TMOD3: variants seen among roughly 807,000 people sequenced by gnomAD.
TMOD3 encodes the protein tropomodulin 3.
In TMOD3, 20 loss-of-function variants were observed where a neutral mutation model predicts 39.2. The observed-to-expected ratio is 0.51, with a 90% confidence interval of 0.36 to 0.74. The LOEUF (loss-of-function observed/expected upper bound fraction) is 0.74. Among genes scored for constraint, TMOD3 ranks in the 30% least tolerant of loss-of-function variants. The pLI, the probability that TMOD3 is intolerant of heterozygous loss-of-function variation, is 0.00. For synonymous variants in TMOD3, 143 were observed against 145.8 expected (o/e 0.98, Z 0.14); for missense variants, 381 against 412.8 (o/e 0.92, Z 0.67).
chr15:51,903,535 C>T (rs1484050310), intron 9 of TMOD3, among the ~76,000 whole-genome samples: 3 of 152,234 alleles, frequency 2.0e-5, no homozygotes, highest in Non-Finnish European at 2.9e-5. Flanking sequence ...TTAGCTCAAA[C>T]TCTTTCTGTC....
At chr15:51,895,668 G>A (rs746942996) in intron 6 of TMOD3, among the ~76,000 whole-genome samples, 7 of 152,168 alleles carry the variant, frequency 4.6e-5, no homozygotes, top group Non-Finnish European at 2.9e-5. Context: ...CCTTCAAGTA[G>A]TGTAGGGTTA....
intron 9 of TMOD3, among the ~76,000 whole-genome samples, chr15:51,907,601 C>A (rs1053742380): frequency 6.6e-6 from 1 of 152,198 alleles, no homozygotes; most frequent in Admixed American, 6.5e-5. Context: ...GTCAAACAGC[C>A]AATTTAGGCC....
rs143152994 is a variant in TMOD3 at position 51,907,432 on chromosome 15, C to T, written c.1025-1344C>T. 12 of 152,310 alleles carry T rather than the reference C, an allele frequency of 7.9e-5. No homozygotes were observed. The East Asian group carries it at 1.9e-3, about 24-fold the overall frequency. The allele number at this position is 152,310 out of a possible 1,614,324, so 9.4% of individuals were successfully genotyped here. A position where few individuals can be genotyped will look rare whatever the true frequency, so the allele number is the denominator to read the frequency against. Reference sequence around the variant, plus strand: ...CTGGTTTTATTTTCAAGCAAGCACCCAGCCTATGGCTGAACAAGATTTTAT... The same window carrying T: ...CTGGTTTTATTTTCAAGCAAGCACCTAGCCTATGGCTGAACAAGATTTTAT... On this transcript the variant is annotated intron_variant, in intron 9 of 9. Transcript: ENST00000308580.
chr15:51,885,887 T>A lies in TMOD3; in HGVS notation c.284-1702T>A, dbSNP rs1595905688. ...CGGCCGGGCAGAGGCGCCCCCCACC[T>A]CCCAGACGGGGTGGCTGCCGGGCGG... On this transcript the variant is annotated intron_variant, in intron 3 of 9. Transcript: ENST00000308580. Among the ~76,000 whole-genome samples the A allele has an allele frequency of 2.7e-5, 4 of 147,796 alleles. No individual in the cohort carries two copies. In the Middle Eastern group the frequency reaches 0.011, roughly 399 times the overall value.
Position 51,912,683 on chromosome 15 carries a change from T to G in TMOD3, c.*3873T>G, listed in dbSNP as rs1214899587. On this transcript the variant is annotated 3_prime_UTR_variant, in exon 10 of 10. Coordinates refer to ENST00000308580, the MANE Select transcript of TMOD3 (RefSeq NM_014547.5). ...TCACTTCCATTCTTTGCAAGTTTAG[T>G]ACTGCCCAAATTTACTCATTCTACA... The G allele has an allele frequency of 6.6e-6, 1 of 152,158 alleles. No homozygotes were observed. The highest frequency in any genetic ancestry group is 1.5e-5 in the Non-Finnish European group (1 of 68,040). 9.4% of individuals were successfully genotyped at this position (152,158 alleles called of 1,614,324 possible).
intron 9 of TMOD3, among the ~76,000 whole-genome samples, 158 bp downstream of exon 9, chr15:51,902,194 A>G (rs1249076763): frequency 1.3e-5 from 2 of 152,136 alleles, no homozygotes; most frequent in Non-Finnish European, 2.9e-5. Context: ...ATTCAAGTTC[A>G]ATTAAAGTGA....
chr15:51,900,785 A>G (rs1210774801), intron 8 of TMOD3, among the ~76,000 whole-genome samples: 1 of 152,244 alleles, frequency 6.6e-6, no homozygotes, highest in Non-Finnish European at 1.5e-5. Context: ...ATGAAGGTGG[A>G]AAAGAGGATT....
chr15:51,841,554 G>A (rs1246922352), intron 1 of TMOD3, among the ~76,000 whole-genome samples: 2 of 152,132 alleles, frequency 1.3e-5, no homozygotes, highest in East Asian at 3.9e-4. Context: ...TTATGTCCTG[G>A]AGACTGTGAA....
chr15:51,839,316 C>T (rs1007172827), intron 1 of TMOD3, among the ~76,000 whole-genome samples: 5 of 151,300 alleles, frequency 3.3e-5, no homozygotes, highest in African/African-American at 1.2e-4. Flanking sequence ...ACTAAAGGCA[C>T]GTGCCACCAT....
rs1214192372 is a variant in TMOD3, at chr15:51,896,402, T to C, written c.628-17T>C. ...AAAATTGAAATGTAATGATGTTTTATGTTATTGTCTTTCAAGAATATCCCA... is the reference window on the plus strand; with the variant it reads ...AAAATTGAAATGTAATGATGTTTTACGTTATTGTCTTTCAAGAATATCCCA... On this transcript the variant is annotated splice_polypyrimidine_tract_variant and intron_variant, in intron 6 of 9. Coordinates refer to ENST00000308580, the MANE Select transcript of TMOD3 (RefSeq NM_014547.5). 4.6e-6 allele frequency: 7 copies of C among 1,528,698 alleles called. No homozygotes were observed. The African/African-American group carries it at 5.5e-5, about 12-fold the overall frequency. The allele number at this position is 1,528,698 out of a possible 1,614,324, so 94.7% of individuals were successfully genotyped here.
At chr15:51,877,380 T>A (rs1202747639) in intron 3 of TMOD3, among the ~76,000 whole-genome samples, 1 of 152,114 alleles carries the variant, frequency 6.6e-6, no homozygotes, top group African/African-American at 2.4e-5. Flanking sequence ...GAGTCTTGCT[T>A]TTAAGATTTG....
chr15:51,907,523 A>G (rs1205079132), intron 9 of TMOD3, among the ~76,000 whole-genome samples: 2 of 152,220 alleles, frequency 1.3e-5, no homozygotes, highest in African/African-American at 4.8e-5. Context: ...CAGTCAGAAG[A>G]GCACAAGAGC....
At chr15:51,863,152 T>C in intron 2 of TMOD3, 142 bp downstream of exon 2, 1 of 787,606 alleles carries the variant, frequency 1.3e-6, no homozygotes. Context: ...TGCTTTTGGC[T>C]CTCTCTCCAG....
At chr15:51,846,328 C>CA (rs2056335928) in intron 1 of TMOD3, among the ~76,000 whole-genome samples, 1 of 151,908 alleles carries the variant, frequency 6.6e-6, no homozygotes, top group Non-Finnish European at 1.5e-5. Context: ...CAAAACAAAA[C>CA]AAAACAAAAC....
intron 1 of TMOD3, among the ~76,000 whole-genome samples, chr15:51,851,886 C>T (rs866656928): frequency 4.6e-5 from 7 of 152,296 alleles, no homozygotes; most frequent in South Asian, 2.1e-4. Flanking sequence ...CAGCTATTAG[C>T]GTAGTCCTAG....
chr15:51,834,074 A>C (rs955628724), intron 1 of TMOD3, among the ~76,000 whole-genome samples: 2 of 152,178 alleles, frequency 1.3e-5, no homozygotes, highest in Non-Finnish European at 2.9e-5. Context: ...TTGGCTATGC[A>C]GTATCTTTTT....
intron 1 of TMOD3, among the ~76,000 whole-genome samples, chr15:51,850,209 G>C (rs774311669): frequency 1.8e-4 from 28 of 152,316 alleles, no homozygotes; most frequent in Middle Eastern, 3.4e-3. Flanking sequence ...ATTACAGTCT[G>C]TGTGCTAATG....
At chr15:51,897,767 G>A (rs1164465132) in intron 7 of TMOD3, among the ~76,000 whole-genome samples, 2 of 126,946 alleles carry the variant, frequency 1.6e-5, no homozygotes, top group African/African-American at 6.3e-5. Flanking sequence ...ACAGGCGTGA[G>A]CCACCACGCC....
chr15:51,903,299 CAT>C (rs1322545620), intron 9 of TMOD3, among the ~76,000 whole-genome samples: 2 of 152,222 alleles, frequency 1.3e-5, no homozygotes, highest in Admixed American at 6.5e-5. Context: ...TTTATTTCTA[CAT>C]GTTTCCAAAA....
Sources: allele counts gnomAD v4.1 joint callset (sites outside exome capture counted in the v4.1 genomes callset), GRCh38; gene constraint gnomAD v4.1.1; transcripts MANE v1.5; gene names NCBI Gene and HGNC (gene_info 2026-07-23, HGNC 2026-07-21).